Variants in WWOX observed in about 807,000 individuals in gnomAD.
WWOX encodes the protein WW domain containing oxidoreductase, also known as WW domain-containing oxidoreductase.
Under a neutral mutation model 46.2 loss-of-function variants are expected in WWOX, and 69 were observed. The ratio of observed to expected loss-of-function variants is 1.49; its 90% CI spans 1.23 to 1.82. The LOEUF is 1.82. Among genes scored for constraint, WWOX ranks in the 40% most tolerant of loss-of-function variants. The pLI is 0.00. For missense variants in WWOX, 919 were observed against 542.6 expected (o/e 1.69, Z -6.89); for synonymous variants, 359 against 202.6 (o/e 1.77, Z -6.56).
intron 6 of WWOX, among the ~76,000 whole-genome samples, chr16:78,415,498 C>G (rs7199755): frequency 0.088 from 13,447 of 152,142 alleles, 1,691 homozygotes; most frequent in African/African-American, 0.28. Context: ...AGGTCTCAAT[C>G]TTATTTTACC....
intron 8 of WWOX, among the ~76,000 whole-genome samples, chr16:79,119,128 A>C (rs2049576253): frequency 6.6e-6 from 1 of 152,176 alleles, no homozygotes; most frequent in Non-Finnish European, 1.5e-5. Context: ...GGTTTGTAGC[A>C]ATTTAAATGA....
intron 8 of WWOX, among the ~76,000 whole-genome samples, chr16:78,684,249 C>G (rs953023344): frequency 6.6e-6 from 1 of 152,194 alleles, no homozygotes; most frequent in Non-Finnish European, 1.5e-5. Flanking sequence ...CAGATTTGCC[C>G]TTGGCTCATG....
chr16:79,034,023 A>G (rs2047818014), intron 8 of WWOX, among the ~76,000 whole-genome samples: 1 of 152,220 alleles, frequency 6.6e-6, no homozygotes, highest in South Asian at 2.1e-4. Flanking sequence ...TAGTTATGTC[A>G]GGAAGCACAG....
At chr16:79,032,662 A>G (rs1341269615) in intron 8 of WWOX, among the ~76,000 whole-genome samples, 2 of 122,930 alleles carry the variant, frequency 1.6e-5, no homozygotes, top group Non-Finnish European at 3.2e-5. Context: ...TATTATTTAC[A>G]TATGTATATA....
At chr16:78,215,355 G>C (rs1456290313) in intron 5 of WWOX, among the ~76,000 whole-genome samples, 1 of 152,158 alleles carries the variant, frequency 6.6e-6, no homozygotes, top group East Asian at 1.9e-4. Context: ...TAGGGACCTG[G>C]TAGGAGGTGA....
intron 8 of WWOX, among the ~76,000 whole-genome samples, chr16:78,849,357 G>A (rs1427027766): frequency 6.6e-6 from 1 of 151,780 alleles, no homozygotes; most frequent in East Asian, 2.0e-4. Flanking sequence ...GGATCACGAG[G>A]TCGGGAGATC....
intron 8 of WWOX, among the ~76,000 whole-genome samples, chr16:78,993,370 G>A (rs957603448): frequency 1.3e-5 from 2 of 152,134 alleles, no homozygotes; most frequent in African/African-American, 2.4e-5. Context: ...ACCTTTAAGT[G>A]CTTGTCAAGA....
intron 8 of WWOX, among the ~76,000 whole-genome samples, chr16:78,543,565 G>C (rs946731858): frequency 6.6e-6 from 1 of 152,214 alleles, no homozygotes; most frequent in African/African-American, 2.4e-5. Context: ...GCCAAATTCT[G>C]TTTGAAGCAC....
chr16:78,919,764 C>G (rs1347586396), intron 8 of WWOX, among the ~76,000 whole-genome samples: 1 of 152,250 alleles, frequency 6.6e-6, no homozygotes, highest in East Asian at 1.9e-4. Context: ...ATCCACTCGC[C>G]TTGGCCTCCC....
chr16:78,111,954 C>T (rs1232654846), intron 3 of WWOX: 2 of 155,012 alleles, frequency 1.3e-5, no homozygotes, highest in Non-Finnish European at 2.9e-5. Context: ...CCTCCTTACC[C>T]TGCCCCCTTG....
intron 8 of WWOX, among the ~76,000 whole-genome samples, chr16:78,927,201 G>T (rs916093434): frequency 2.0e-5 from 3 of 152,184 alleles, no homozygotes; most frequent in African/African-American, 7.2e-5. Flanking sequence ...GAGGTATGTG[G>T]TACTCGTGAG....
At chr16:78,559,947 A>G (rs1170160993) in intron 8 of WWOX, among the ~76,000 whole-genome samples, 3 of 152,180 alleles carry the variant, frequency 2.0e-5, no homozygotes, top group Non-Finnish European at 4.4e-5. Flanking sequence ...TCCTGAATCT[A>G]CGTTTTTCTA....
chr16:79,111,051 C>G (rs879930890), intron 8 of WWOX, among the ~76,000 whole-genome samples: 1 of 152,160 alleles, frequency 6.6e-6, no homozygotes, highest in African/African-American at 2.4e-5. Context: ...CAGCAGAGAT[C>G]ATTTGTACCC....
intron 8 of WWOX, among the ~76,000 whole-genome samples, chr16:78,479,821 A>C (rs934497170): frequency 2.6e-5 from 4 of 152,190 alleles, no homozygotes; most frequent in African/African-American, 9.7e-5. Context: ...CTATGAATGA[A>C]AGCCAGGCTG....
At chr16:78,736,725 G>A (rs2049100812) in intron 8 of WWOX, among the ~76,000 whole-genome samples, 3 of 152,114 alleles carry the variant, frequency 2.0e-5, no homozygotes, top group Non-Finnish European at 2.9e-5. Context: ...AACGTCCTGA[G>A]TAGGGAGGGC....
At chr16:78,821,881 A>C (rs942948889) in intron 8 of WWOX, among the ~76,000 whole-genome samples, 3 of 152,162 alleles carry the variant, frequency 2.0e-5, no homozygotes, top group Non-Finnish European at 4.4e-5. Context: ...AAATATTAAA[A>C]TAAACTTTTT....
chr16:78,501,191 CTCT>C lies in WWOX; in HGVS notation c.1056+68441_1056+68443del, dbSNP rs1260903303. ...TGTTTTTCTTTCTCTCTCTTTCTTT[CTCT>C]TTTTTTTTTTTTGAAAAACTTTTTT... is the stretch of plus-strand genomic sequence containing the variant. On this transcript the variant is annotated intron_variant, in intron 8 of 8. Coordinates refer to ENST00000566780, the MANE Select transcript of WWOX (RefSeq NM_016373.4). Among the ~76,000 whole-genome samples, 10 of 107,538 alleles carry C rather than the reference CTCT, an allele frequency of 9.3e-5. 1 individual carries two copies. Among genetic ancestry groups the C allele is most frequent in the Admixed American group, 2.6e-4 (2 of 7,666 alleles). The allele number at this position is 107,538 out of a possible 152,430, so 70.5% of individuals were successfully genotyped here.
At chr16:78,657,516 A>G (rs1228674942) in intron 8 of WWOX, among the ~76,000 whole-genome samples, 1 of 152,144 alleles carries the variant, frequency 6.6e-6, no homozygotes, top group Non-Finnish European at 1.5e-5. Context: ...AACACAGAAG[A>G]ATCAGCAGAC....
At chr16:78,225,614 G>A (rs886774815) in intron 5 of WWOX, among the ~76,000 whole-genome samples, 1 of 152,082 alleles carries the variant, frequency 6.6e-6, no homozygotes, top group Non-Finnish European at 1.5e-5. Context: ...TTGAGGATTT[G>A]TTTTGCCATG....
Sources: gnomAD v4.1 joint callset for allele counts (sites outside exome capture counted in the v4.1 genomes callset) on GRCh38, gnomAD v4.1.1 for gene constraint, MANE v1.5 for transcripts, NCBI Gene and HGNC (gene_info 2026-07-23, HGNC 2026-07-21) for gene names.